Variants in LINGO2 observed in about 807,000 individuals in gnomAD.
LINGO2 encodes the protein leucine-rich repeat and immunoglobulin-like domain-containing nogo receptor-interacting protein 2.
LINGO2 carries 14 observed loss-of-function variants against 30.6 expected under a neutral mutation model. The observed-to-expected ratio is 0.46, with a 90% CI of 0.30 to 0.72. LINGO2 has a LOEUF of 0.72. Among genes scored for constraint, LINGO2 ranks in the 30% least tolerant of loss-of-function variants. The pLI, the probability that LINGO2 is intolerant of heterozygous loss-of-function variation, is 0.07. For synonymous variants in LINGO2, 317 were observed against 288.5 expected, an observed-to-expected ratio of 1.10 and a Z score of -1.00; for missense variants, 729 against 751.7, an observed-to-expected ratio of 0.97 and a Z score of 0.35.
chr9:28,567,793 T>A (rs1823459720), intron 1 of LINGO2, among the ~76,000 whole-genome samples: 1 of 130,822 alleles, frequency 7.6e-6, no homozygotes, highest in Non-Finnish European at 1.6e-5. Context: ...TTCCTGAATC[T>A]AAAATAAATA....
intron 4 of LINGO2, among the ~76,000 whole-genome samples, chr9:28,271,497 C>T (rs1402006681): frequency 6.6e-6 from 1 of 152,140 alleles, no homozygotes; most frequent in Admixed American, 6.5e-5. Flanking sequence ...TCAGAAATAA[C>T]ATAGAATTTG....
In LINGO2 at chr9:28,233,539, G is replaced by T. The variant is rs137892096; in HGVS notation, c.-87+61669C>A. Among the ~76,000 whole-genome samples the T allele has an allele frequency of 1.7e-3, 256 of 152,134 alleles. 1 individual carries two copies. Among genetic ancestry groups the T allele is most frequent in the African/African-American group, 5.5e-3 (229 of 41,504 alleles). ...AAGGAAAAATAAAATTATATTTATC[G>T]TTATAGAATAGTGTTATAAGTGTGA... On this transcript the variant is annotated intron_variant, in intron 4 of 5. Transcript: ENST00000379992.
chr9:28,142,902 T>C (rs553559369), intron 4 of LINGO2, among the ~76,000 whole-genome samples: 2 of 152,300 alleles, frequency 1.3e-5, no homozygotes, highest in African/African-American at 4.8e-5. Context: ...AACTTAACAG[T>C]TGGTTTAGTT....
chr9:28,376,801 T>C (rs62559481), intron 2 of LINGO2, among the ~76,000 whole-genome samples: 13,533 of 152,136 alleles, frequency 0.089, 828 homozygotes, highest in Admixed American at 0.15. Context: ...GAGCAGAGAG[T>C]TGAACACAGA....
the LINGO2 span, among the ~76,000 whole-genome samples, chr9:28,691,705 A>G: frequency 6.6e-6 from 1 of 152,212 alleles, no homozygotes; most frequent in Non-Finnish European, 1.5e-5. Flanking sequence ...AGGTATGTGC[A>G]TATTATTTTA....
chr9:28,554,445 C>G (rs2135518584), intron 1 of LINGO2, among the ~76,000 whole-genome samples: 1 of 143,726 alleles, frequency 7.0e-6, no homozygotes, highest in African/African-American at 2.6e-5. Context: ...ACAAGAAGAG[C>G]TAACTATCCT....
chr9:28,724,081 C>G, the LINGO2 span, among the ~76,000 whole-genome samples: 1 of 152,076 alleles, frequency 6.6e-6, no homozygotes, highest in Non-Finnish European at 1.5e-5. Context: ...TAACTTCACC[C>G]CTTTAAGTAA....
At chr9:28,502,197 C>A in intron 1 of LINGO2, among the ~76,000 whole-genome samples, 1 of 151,554 alleles carries the variant, frequency 6.6e-6, no homozygotes, top group Non-Finnish European at 1.5e-5. Context: ...ATCGCACAAT[C>A]TTCTTCCAAA....
At chr9:28,832,793 A>G in the LINGO2 span, among the ~76,000 whole-genome samples, 1 of 152,194 alleles carries the variant, frequency 6.6e-6, no homozygotes, top group Non-Finnish European at 1.5e-5. Flanking sequence ...AGAACTCTAC[A>G]TAGTCAAAAG....
At chr9:28,162,630 T>C (rs1828318033) in intron 4 of LINGO2, among the ~76,000 whole-genome samples, 1 of 152,192 alleles carries the variant, frequency 6.6e-6, no homozygotes, top group Non-Finnish European at 1.5e-5. Context: ...TTACTTACTA[T>C]GGATTCAAAT....
Position 28,235,698 on chromosome 9 carries a change from TGAAGA to T in LINGO2, c.-87+59505_-87+59509del, listed in dbSNP as rs1259044022. Among the ~76,000 whole-genome samples, 4 of 152,152 alleles carry T rather than the reference TGAAGA, an allele frequency of 2.6e-5. No individual in the cohort carries two copies. In the East Asian group the frequency reaches 7.7e-4, roughly 29 times the overall value. On this transcript the variant is annotated intron_variant, in intron 4 of 5. Transcript: ENST00000379992. ...GAGTTGAAAAATGCCACTGACATGC[TGAAGA>T]ATGCATCAAAGTTTCTTAATAGCAG...
At chr9:28,239,359 C>G (rs1254763776) in intron 4 of LINGO2, among the ~76,000 whole-genome samples, 1 of 152,058 alleles carries the variant, frequency 6.6e-6, no homozygotes, top group African/African-American at 2.4e-5. Flanking sequence ...GCCAATAGCT[C>G]TGATGAATAT....
Position 28,527,046 on chromosome 9 carries a change from C to T in LINGO2, c.-364-51021G>A, listed in dbSNP as rs190681547. On this transcript the variant is annotated intron_variant, in intron 1 of 5. Coordinates refer to ENST00000379992, the Ensembl canonical transcript of LINGO2. Reference sequence around the variant, plus strand: ...GACTCTAAATCACTCTGGAAGACGACTTAAAAGTAATTTTCTAGAAACATG... The same window carrying T: ...GACTCTAAATCACTCTGGAAGACGATTTAAAAGTAATTTTCTAGAAACATG... 1.1e-4 allele frequency among the ~76,000 whole-genome samples: 16 copies of T among 152,242 alleles called. No individual in the cohort carries two copies. In the East Asian group the frequency reaches 3.1e-3, roughly 29 times the overall value.
At chr9:29,016,556 G>A in the LINGO2 span, among the ~76,000 whole-genome samples, 988 of 152,192 alleles carry the variant, frequency 6.5e-3, 14 homozygotes, top group African/African-American at 0.023. Flanking sequence ...AAGTAAGGCT[G>A]CCAGCAAAAG....
intron 4 of LINGO2, among the ~76,000 whole-genome samples, chr9:28,015,714 A>G (rs561604859): frequency 6.6e-6 from 1 of 152,292 alleles, no homozygotes; most frequent in South Asian, 2.1e-4. Context: ...CAAACTAACA[A>G]TCACAATTAG....
chr9:28,249,674 A>C (rs1349975929), intron 4 of LINGO2, among the ~76,000 whole-genome samples: 3 of 152,190 alleles, frequency 2.0e-5, no homozygotes, highest in African/African-American at 7.2e-5. Context: ...AGAAAATTTT[A>C]TAGCAATGCT....
chr9:28,069,366 T>C (rs1236547897), intron 4 of LINGO2, among the ~76,000 whole-genome samples: 1 of 152,180 alleles, frequency 6.6e-6, no homozygotes, highest in Non-Finnish European at 1.5e-5. Flanking sequence ...ATAGACATAC[T>C]ATGAATGACA....
At chr9:29,028,768 C>G in the LINGO2 span, among the ~76,000 whole-genome samples, 2 of 152,156 alleles carry the variant, frequency 1.3e-5, no homozygotes, top group African/African-American at 4.8e-5. Flanking sequence ...CCCCAGCTGA[C>G]AGCTATTCAA....
intron 1 of LINGO2, among the ~76,000 whole-genome samples, chr9:28,602,472 A>C (rs555198411): frequency 6.6e-6 from 1 of 152,214 alleles, no homozygotes; most frequent in Non-Finnish European, 1.5e-5. Context: ...GTTTTACTTA[A>C]ATTTCTGATA....
Sources: gnomAD v4.1 joint callset for allele counts (sites outside exome capture counted in the v4.1 genomes callset) on GRCh38, gnomAD v4.1.1 for gene constraint, MANE v1.5 for transcripts, NCBI Gene and HGNC (gene_info 2026-07-23, HGNC 2026-07-21) for gene names.